Variants in PLCB1 observed in about 807,000 individuals in gnomAD.
The protein encoded by PLCB1 is 1-phosphatidylinositol 4,5-bisphosphate phosphodiesterase beta-1.
A neutral mutation model predicts 161.8 loss-of-function variants in PLCB1; 46 were observed. The observed-to-expected ratio is 0.28, with a 90% CI of 0.22 to 0.36. The LOEUF is 0.36. Among genes scored for constraint, PLCB1 ranks in the 10% least tolerant of loss-of-function variants. PLCB1 has a pLI of 1.00. For missense variants in PLCB1, 1,016 were observed against 1,472.5 expected (o/e 0.69, Z 5.07); for synonymous variants, 517 against 503.7 (o/e 1.03, Z -0.35).
chr20:8,566,141 CTA>C (rs770863486), intron 3 of PLCB1, among the ~76,000 whole-genome samples: 13 of 152,136 alleles, frequency 8.5e-5, no homozygotes, highest in Non-Finnish European at 1.6e-4. Flanking sequence ...AGACCCCAAA[CTA>C]TGTGCAATTT....
chr20:8,628,423 G>A lies in PLCB1; in HGVS notation c.376G>A (p.Val126Met). 6.2e-7 allele frequency: 1 copy of A among 1,614,074 alleles called. No individual in the cohort carries two copies. ...HLNLVAFQEE[V>M]AKEWTNEVFS... is the part of the protein sequence containing the mutation. ...GAATCTCGTGGCTTTCCAAGAAGAA[G>A]TGGCCAAGGTATGGTGGATGGAAAT... The change falls in exon 4 of 32, where the codon GTG becomes ATG. Residue 126 changes from valine to methionine, a missense_variant. By Grantham distance (21) the Val-to-Met change is conservative (BLOSUM62 1). Transcript: ENST00000338037.
intron 23 of PLCB1, among the ~76,000 whole-genome samples, chr20:8,747,703 C>CA (rs1322758958): frequency 6.6e-6 from 1 of 152,064 alleles, no homozygotes; most frequent in Non-Finnish European, 1.5e-5. Context: ...GTCTAGAAGG[C>CA]AGAGGCTGCA....
intron 3 of PLCB1, among the ~76,000 whole-genome samples, chr20:8,458,544 C>G (rs571527024): frequency 1.3e-5 from 2 of 152,274 alleles, no homozygotes; most frequent in South Asian, 4.1e-4. Context: ...TTCTTTGCAA[C>G]AAGAAATTGC....
At chr20:8,386,910 G>T (rs1271347736) in intron 3 of PLCB1, among the ~76,000 whole-genome samples, 2 of 152,186 alleles carry the variant, frequency 1.3e-5, no homozygotes, top group Admixed American at 1.3e-4. Flanking sequence ...ACCAACCACT[G>T]CTAGCTTCAT....
chr20:8,220,070 T>A (rs1979327570), intron 2 of PLCB1, among the ~76,000 whole-genome samples: 1 of 152,150 alleles, frequency 6.6e-6, no homozygotes, highest in Non-Finnish European at 1.5e-5. Context: ...GATTTGGGAA[T>A]GTAAATGGAG....
At chr20:8,342,020 GTGTCCCCATGCTTTC>G (rs1414372261) in intron 2 of PLCB1, among the ~76,000 whole-genome samples, 1 of 152,038 alleles carries the variant, frequency 6.6e-6, no homozygotes, top group Non-Finnish European at 1.5e-5. Flanking sequence ...GAATTAAGCT[GTGTCCCCATGCTTTC>G]TAGGGGCACA....
intron 2 of PLCB1, among the ~76,000 whole-genome samples, chr20:8,316,138 GT>G (rs1230206697): frequency 4.1e-4 from 63 of 152,148 alleles, no homozygotes; most frequent in African/African-American, 1.5e-3. Flanking sequence ...ACCCACTTAT[GT>G]TTCTGACACT....
At chr20:8,609,150 CTT>C (rs2123165949) in intron 3 of PLCB1, among the ~76,000 whole-genome samples, 1 of 152,268 alleles carries the variant, frequency 6.6e-6, no homozygotes, top group East Asian at 1.9e-4. Context: ...CAAAAATAGT[CTT>C]AGCTATTGGA....
At chr20:8,645,486 T>C (rs1244900313) in intron 4 of PLCB1, among the ~76,000 whole-genome samples, 1 of 152,198 alleles carries the variant, frequency 6.6e-6, no homozygotes, top group East Asian at 1.9e-4. Flanking sequence ...CTATATTTTT[T>C]TGTAGACTTG....
At chr20:8,460,173 A>G (rs1981512731) in intron 3 of PLCB1, among the ~76,000 whole-genome samples, 1 of 152,140 alleles carries the variant, frequency 6.6e-6, no homozygotes, top group Admixed American at 6.5e-5. Flanking sequence ...ACTTTCTTGA[A>G]TCTTTATTAG....
At chr20:8,676,279 T>A (rs935793136) in intron 9 of PLCB1, among the ~76,000 whole-genome samples, 2 of 152,108 alleles carry the variant, frequency 1.3e-5, no homozygotes, top group African/African-American at 2.4e-5. Context: ...GGGAATCACT[T>A]GAACCCAGGA....
At chr20:8,460,383 C>T (rs1028681883) in intron 3 of PLCB1, among the ~76,000 whole-genome samples, 1 of 152,208 alleles carries the variant, frequency 6.6e-6, no homozygotes, top group African/African-American at 2.4e-5. Context: ...GGCTTAAGTG[C>T]ATCCCACTCA....
At chr20:8,523,909 C>T (rs59578690) in intron 3 of PLCB1, among the ~76,000 whole-genome samples, 20,245 of 151,716 alleles carry the variant, frequency 0.13, 1,703 homozygotes, top group African/African-American at 0.24. Flanking sequence ...GCATGGGGAG[C>T]GTGTGTTGTA....
chr20:8,774,253 G>A (rs1321050359), intron 26 of PLCB1, among the ~76,000 whole-genome samples: 3 of 135,310 alleles, frequency 2.2e-5, no homozygotes, highest in African/African-American at 5.5e-5. Context: ...TTTCCCAAAC[G>A]GAGATTATTA....
intron 2 of PLCB1, among the ~76,000 whole-genome samples, chr20:8,345,182 C>T (rs75468383): frequency 0.038 from 5,852 of 152,270 alleles, 390 homozygotes; most frequent in African/African-American, 0.13. Context: ...GCTGTTTGCT[C>T]TGGGTCCTTT....
Position 8,863,351 on chromosome 20 carries a change from A to G in PLCB1, c.3424-18271A>G, listed in dbSNP as rs563577829. On this transcript the variant is annotated intron_variant, in intron 31 of 31. Coordinates refer to ENST00000338037, the MANE Select transcript of PLCB1 (RefSeq NM_015192.4). ...TCCAAACTGACACTACTTTTTTGGC[A>G]AGACTTAGCCATTAAATACATGAAT... is the stretch of plus-strand genomic sequence containing the variant. Among the ~76,000 whole-genome samples the G allele has an allele frequency of 2.0e-5, 3 of 152,310 alleles. No individual in the cohort carries two copies. The East Asian group carries it at 5.8e-4, about 29-fold the overall frequency.
intron 11 of PLCB1, among the ~76,000 whole-genome samples, chr20:8,705,682 C>T (rs1428390242): frequency 2.0e-5 from 3 of 152,040 alleles, no homozygotes; most frequent in Admixed American, 6.6e-5. Context: ...GTATTTTTGA[C>T]TGAAGGAACA....
intron 2 of PLCB1, among the ~76,000 whole-genome samples, chr20:8,347,187 A>C (rs1347405243): frequency 6.6e-6 from 1 of 152,230 alleles, no homozygotes; most frequent in Non-Finnish European, 1.5e-5. Context: ...AATGTGGTTT[A>C]CCTTGGGAAT....
intron 2 of PLCB1, among the ~76,000 whole-genome samples, chr20:8,246,214 C>T (rs1481289803): frequency 1.3e-5 from 2 of 151,928 alleles, no homozygotes; most frequent in African/African-American, 4.8e-5. Flanking sequence ...ATTACAACTA[C>T]ATATTTAGGC....
Sources: gnomAD v4.1 joint callset for allele counts (sites outside exome capture counted in the v4.1 genomes callset) on GRCh38, gnomAD v4.1.1 for gene constraint, MANE v1.5 for transcripts, NCBI Gene and HGNC (gene_info 2026-07-23, HGNC 2026-07-21) for gene names.